PRDM16: variants seen among roughly 807,000 people sequenced by gnomAD.
PRDM16 encodes the protein PR/SET domain 16, also known as histone-lysine N-methyltransferase PRDM16.
A neutral mutation model predicts 110.6 loss-of-function variants in PRDM16; 23 were observed. That is an observed-to-expected ratio of 0.21 (90% CI 0.15 to 0.29). The LOEUF is 0.29. Among genes scored for constraint, PRDM16 ranks in the 10% least tolerant of loss-of-function variants. The probability of loss-of-function intolerance (pLI) is 1.00; values close to 1 mark genes in which losing one functional copy is unlikely to be tolerated. For missense variants in PRDM16, 1,615 were observed against 1,794.3 expected, an observed-to-expected ratio of 0.90 and a Z score of 1.81; for synonymous variants, 799 against 781.8, an observed-to-expected ratio of 1.02 and a Z score of -0.37.
At chr1:3,212,979 C>G (rs1331527189) in intron 2 of PRDM16, among the ~76,000 whole-genome samples, 2 of 152,348 alleles carry the variant, frequency 1.3e-5, no homozygotes, top group South Asian at 4.1e-4. Context: ...GGCAGCAGAG[C>G]TGGACACAGG....
intron 1 of PRDM16, among the ~76,000 whole-genome samples, chr1:3,162,584 C>G (rs1271369920): frequency 6.6e-6 from 1 of 152,180 alleles, no homozygotes; most frequent in Non-Finnish European, 1.5e-5. Flanking sequence ...GAGGCCTGGT[C>G]TGGAAAATGA....
intron 1 of PRDM16, among the ~76,000 whole-genome samples, chr1:3,165,552 G>A (rs1429031240): frequency 1.7e-5 from 2 of 120,996 alleles, no homozygotes; most frequent in Non-Finnish European, 3.3e-5. Flanking sequence ...CTCAGGGACA[G>A]GGACTCACCA....
chr1:3,319,776 C>T (rs1445158225), intron 3 of PRDM16, among the ~76,000 whole-genome samples: 1 of 152,186 alleles, frequency 6.6e-6, no homozygotes, highest in East Asian at 1.9e-4. Context: ...ACCCACACAG[C>T]CCTGGAAGCC....
rs1287245606 is a variant in PRDM16 at position 3,337,984 on chromosome 1, T to G, written c.439-47168T>G. ...CTGGCACGCACATGTGTGAACATAG[T>G]ACACAAAAACACATGCACACAAATG... On this transcript the variant is annotated intron_variant, in intron 3 of 16. Coordinates refer to ENST00000270722, the MANE Select transcript of PRDM16 (RefSeq NM_022114.4). Among the ~76,000 whole-genome samples, 7 of 152,258 alleles carry G rather than the reference T, an allele frequency of 4.6e-5. No homozygotes were observed. In the South Asian group the frequency reaches 1.0e-3, roughly 23 times the overall value.
At chr1:3,115,035 A>G (rs970338350) in intron 1 of PRDM16, among the ~76,000 whole-genome samples, 3 of 152,198 alleles carry the variant, frequency 2.0e-5, no homozygotes, top group African/African-American at 7.2e-5. Flanking sequence ...TGGTGCACAG[A>G]GTGACACATT....
intron 3 of PRDM16, among the ~76,000 whole-genome samples, chr1:3,363,522 C>T (rs1021532813): frequency 2.6e-5 from 4 of 152,110 alleles, no homozygotes; most frequent in South Asian, 2.1e-4. Context: ...ATCCTGCATT[C>T]GGGCAGTTTG....
chr1:3,140,915 C>T (rs1008503015), intron 1 of PRDM16, among the ~76,000 whole-genome samples: 3 of 152,164 alleles, frequency 2.0e-5, no homozygotes, highest in East Asian at 1.9e-4. Context: ...GAGAAGCAGG[C>T]GGTCGGAGAA....
chr1:3,291,409 T>C (rs1041847545), intron 3 of PRDM16, among the ~76,000 whole-genome samples: 2 of 152,054 alleles, frequency 1.3e-5, no homozygotes, highest in Non-Finnish European at 2.9e-5. Context: ...TGCCATGGAG[T>C]TGTCTGCAGG....
At chr1:3,429,864 C>T (rs939783336) in intron 14 of PRDM16, among the ~76,000 whole-genome samples, 3 of 152,244 alleles carry the variant, frequency 2.0e-5, no homozygotes, top group Non-Finnish European at 4.4e-5. Flanking sequence ...GTCCGAGACA[C>T]GGAGGTCGGT....
intron 8 of PRDM16, among the ~76,000 whole-genome samples, chr1:3,406,513 T>G (rs572575374): frequency 6.6e-6 from 1 of 152,006 alleles, no homozygotes; most frequent in South Asian, 2.1e-4. Flanking sequence ...GAAGATCACC[T>G]GAGGCCAGGA....
chr1:3,093,792 C>T (rs1330550345), intron 1 of PRDM16, among the ~76,000 whole-genome samples: 1 of 152,174 alleles, frequency 6.6e-6, no homozygotes, highest in Non-Finnish European at 1.5e-5. Context: ...CTGGCTGTGG[C>T]TGAGCAATGC....
At chr1:3,103,139 C>A (rs1642570717) in intron 1 of PRDM16, among the ~76,000 whole-genome samples, 1 of 152,196 alleles carries the variant, frequency 6.6e-6, no homozygotes, top group Non-Finnish European at 1.5e-5. Context: ...CATCTCCGAC[C>A]ACCACGCCTG....
chr1:3,361,934 C>T lies in PRDM16; in HGVS notation c.439-23218C>T, dbSNP rs368636880. Among the ~76,000 whole-genome samples, 45 of 146,586 alleles carry T rather than the reference C, an allele frequency of 3.1e-4. 1 individual carries two copies. Among genetic ancestry groups the T allele is most frequent in the Middle Eastern group, 3.5e-3 (1 of 288 alleles). On this transcript the variant is annotated intron_variant, in intron 3 of 16. Coordinates refer to ENST00000270722, the MANE Select transcript of PRDM16 (RefSeq NM_022114.4). ...GAGGGCAGGTGGTGAGAAGTGACCG[C>T]GGCCCAGGAGGGCAGGTGGTGAGAA...
intron 3 of PRDM16, among the ~76,000 whole-genome samples, chr1:3,284,133 G>C (rs538648930): frequency 6.6e-6 from 1 of 151,996 alleles, no homozygotes. Flanking sequence ...TAGCCCGCCC[G>C]GGAAGCTGGG....
In PRDM16 at chr1:3,390,978, G is replaced by A. The variant is rs1327478043; in HGVS notation, c.574-5513G>A. Among the ~76,000 whole-genome samples, 1 of 152,028 alleles carries A rather than the reference G, an allele frequency of 6.6e-6. No homozygotes were observed. Among genetic ancestry groups the A allele is most frequent in the Non-Finnish European group, 1.5e-5 (1 of 68,002 alleles). ...AGCCTCTCAAGTAGCTGGGATTACA[G>A]GGGCCTGCCACTATGCCTGGCTTAT... On this transcript the variant is annotated intron_variant, in intron 4 of 16. Transcript: ENST00000270722. The surrounding 1 kb of genome is among the most constrained non-coding windows in gnomAD (Gnocchi z 5.0).
chr1:3,412,672 C>G lies in PRDM16; in HGVS notation c.2475C>G (p.Asn825Lys). Residue 825 changes from asparagine to lysine, a missense_variant, in exon 9 of 17, where the codon AAC becomes AAG. Physicochemically the swap from Asn to Lys is moderately conservative, Grantham distance 94. Transcript: ENST00000270722. ...QNGGGREPRK[N>K]HVYGERKLGA... is the part of the protein sequence containing the mutation. ...GCGGCGGGCGGGAGCCCCGCAAGAA[C>G]CACGTCTATGGGGAACGCAAGCTGG... The G allele has an allele frequency of 6.6e-7, 1 of 1,519,018 alleles. No individual in the cohort carries two copies. Among genetic ancestry groups the G allele is most frequent in the South Asian group, 1.3e-5 (1 of 79,966 alleles). 94.1% of individuals were successfully genotyped at this position (1,519,018 alleles called of 1,614,324 possible).
chr1:3,263,965 C>T (rs767683179), intron 3 of PRDM16, among the ~76,000 whole-genome samples: 4 of 152,104 alleles, frequency 2.6e-5, no homozygotes, highest in South Asian at 2.1e-4. Flanking sequence ...CCACTTCATC[C>T]GAGGGTTCCA....
At chr1:3,301,329 T>C (rs1477056427) in intron 3 of PRDM16, among the ~76,000 whole-genome samples, 2 of 52,092 alleles carry the variant, frequency 3.8e-5, no homozygotes, top group South Asian at 1.3e-3. Flanking sequence ...CAAGATCCCA[T>C]CTCAAAAAAA....
At chr1:3,264,331 A>G (rs1364535926) in intron 3 of PRDM16, among the ~76,000 whole-genome samples, 19 of 136,344 alleles carry the variant, frequency 1.4e-4, no homozygotes, top group South Asian at 4.9e-4. Flanking sequence ...CCCGGGCCAG[A>G]AGGGAGGCAG....
Sources: gnomAD v4.1 joint callset for allele counts (sites outside exome capture counted in the v4.1 genomes callset) on GRCh38, gnomAD v4.1.1 for gene constraint, Gnocchi (gnomAD v3.1) non-coding constraint, MANE v1.5 for transcripts, NCBI Gene and HGNC (gene_info 2026-07-23, HGNC 2026-07-21) for gene names.